Variants in METTL6 observed in about 807,000 individuals in gnomAD.
METTL6 encodes the protein methyltransferase 6, tRNA N3-cytidine, also known as tRNA N(3)-cytidine methyltransferase METTL6.
Under a neutral mutation model 26.4 loss-of-function variants are expected in METTL6, and 22 were observed. The ratio of observed to expected loss-of-function variants is 0.83; its 90% CI spans 0.59 to 1.19. METTL6 has a LOEUF of 1.19. METTL6 is among the 50% of genes most tolerant of loss of function. METTL6 has a pLI of 0.00. For synonymous variants in METTL6, 109 were observed against 116.2 expected, an observed-to-expected ratio of 0.94 and a Z score of 0.40; for missense variants, 304 against 324.8, an observed-to-expected ratio of 0.94 and a Z score of 0.49.
At chr3:15,386,982 G>C (rs747858721) in intron 6 of METTL6, among the ~76,000 whole-genome samples, 2 of 151,982 alleles carry the variant, frequency 1.3e-5, no homozygotes, top group African/African-American at 4.8e-5. Flanking sequence ...AGCAGAGATG[G>C]GGGGTGGTTC....
intron 6 of METTL6, among the ~76,000 whole-genome samples, chr3:15,400,569 T>C (rs1699613210): frequency 1.3e-5 from 2 of 152,164 alleles, no homozygotes; most frequent in South Asian, 2.1e-4. Flanking sequence ...TCATGGTGGG[T>C]AGGAATCTCA....
intron 4 of METTL6, 167 bp downstream of exon 4, chr3:15,415,605 G>C (rs1470028488): frequency 6.2e-7 from 1 of 1,608,794 alleles, no homozygotes; most frequent in Non-Finnish European, 8.5e-7. Context: ...AGAATTTAGG[G>C]TGGATGTTTT....
At chr3:15,416,497 C>T (rs2124998337) in intron 3 of METTL6, among the ~76,000 whole-genome samples, 1 of 152,246 alleles carries the variant, frequency 6.6e-6, no homozygotes, top group East Asian at 1.9e-4. Context: ...TCAAGTGATC[C>T]TCCCACTTCA....
chr3:15,411,246 T>C lies in METTL6; in HGVS notation c.*10A>G. ...TCAAGGGAAGGTATAAATGCCAACC[T>C]CATGAAAGGTCAGGACTTAGGATCC... On this transcript the variant is annotated 3_prime_UTR_variant, in exon 6 of 6. Transcript: ENST00000383790. The C allele has an allele frequency of 6.2e-7, 1 of 1,603,722 alleles. No individual in the cohort carries two copies. The highest frequency in any genetic ancestry group is 8.5e-7 in the Non-Finnish European group (1 of 1,177,156).
At chr3:15,388,065 C>G (rs1214741805) in intron 6 of METTL6, among the ~76,000 whole-genome samples, 1 of 151,316 alleles carries the variant, frequency 6.6e-6, no homozygotes, top group Non-Finnish European at 1.5e-5. Flanking sequence ...AAAAAAGTCT[C>G]CCTCAGTATT....
chr3:15,393,240 T>G (rs1699397189), intron 6 of METTL6, among the ~76,000 whole-genome samples: 1 of 152,204 alleles, frequency 6.6e-6, no homozygotes, highest in African/African-American at 2.4e-5. Flanking sequence ...TCCTAGGTAT[T>G]TCATTCTCTT....
intron 6 of METTL6, among the ~76,000 whole-genome samples, chr3:15,398,078 C>A (rs1419561536): frequency 6.6e-6 from 1 of 152,074 alleles, no homozygotes; most frequent in Non-Finnish European, 1.5e-5. Flanking sequence ...TTCCCCCAAA[C>A]TACCTTTGAA....
At chr3:15,406,652 A>AGAGAGAGAGAGAGAGAGAGG (rs1559485774), downstream of METTL6, among the ~76,000 whole-genome samples, 5 of 142,582 alleles carry the variant, frequency 3.5e-5, no homozygotes, top group African/African-American at 1.3e-4. Context: ...AGAGAGAGAG[A>AGAGAGAGAGAGAGAGAGAGG]GAGAGAGAGA....
chr3:15,384,316 A>C (rs1037820875), intron 6 of METTL6: 1 of 194,810 alleles, frequency 5.1e-6, no homozygotes, highest in African/African-American at 2.4e-5. Flanking sequence ...GCTCCGCATT[A>C]AAAAAAAATA....
At chr3:15,395,823 C>T (rs1464780574) in intron 6 of METTL6, among the ~76,000 whole-genome samples, 1 of 152,086 alleles carries the variant, frequency 6.6e-6, no homozygotes, top group East Asian at 1.9e-4. Context: ...AATATTGGCC[C>T]CCACTCTCTT....
chr3:15,408,288 G>A (rs979068948), downstream of METTL6, among the ~76,000 whole-genome samples: 3 of 152,134 alleles, frequency 2.0e-5, no homozygotes, highest in African/African-American at 7.2e-5. Flanking sequence ...TTCACTCTGT[G>A]ATGTCAGTGA....
In METTL6 at chr3:15,414,924, A is replaced by C. The variant is rs187596677; in HGVS notation, c.532-762T>G. On this transcript the variant is annotated intron_variant, in intron 4 of 5. Coordinates refer to ENST00000383790, the MANE Select transcript of METTL6 (RefSeq NM_152396.4). The stretch of plus-strand genomic sequence containing the variant: ...GTGACACAGCAAGACCCTGTCTCAA[A>C]AATAAATAAATAAGTGTTAGAGACA... 1.3e-4 allele frequency: 150 copies of C among 1,140,720 alleles called. No homozygotes were observed. The East Asian group carries it at 6.1e-3, about 46-fold the overall frequency. The allele number at this position is 1,140,720 out of a possible 1,614,324, so 70.7% of individuals were successfully genotyped here. A position where few individuals can be genotyped will look rare whatever the true frequency, so the allele number is the denominator to read the frequency against.
At chr3:15,409,475 T>C (rs1699887831), downstream of METTL6, among the ~76,000 whole-genome samples, 1 of 152,206 alleles carries the variant, frequency 6.6e-6, no homozygotes, top group South Asian at 2.1e-4. Flanking sequence ...TTCCCCATAT[T>C]CTGCAACACT....
rs114983115 is a variant in METTL6, at chr3:15,387,922, C to T, written c.*12-3735G>A. ...TGACCTACTGGGCTCATGTGATCCT[C>T]TTGTAACCACCCATGGGTTCACCTT... On this transcript the variant is annotated intron_variant, in intron 6 of 6. Coordinates refer to the METTL6 transcript ENST00000443029. Among the ~76,000 whole-genome samples, 1,060 of 151,812 alleles carry T rather than the reference C, an allele frequency of 7.0e-3. 19 individuals carry two copies. The highest frequency in any genetic ancestry group is 0.024 in the African/African-American group (1,011 of 41,386).
At chr3:15,392,389 G>T (rs1333154450) in intron 6 of METTL6, among the ~76,000 whole-genome samples, 2 of 152,066 alleles carry the variant, frequency 1.3e-5, no homozygotes, top group African/African-American at 4.8e-5. Context: ...GTAGATTCTG[G>T]ATATTAGCCC....
chr3:15,395,288 T>C (rs953073914), intron 6 of METTL6, among the ~76,000 whole-genome samples: 5 of 152,218 alleles, frequency 3.3e-5, no homozygotes, highest in African/African-American at 9.6e-5. Flanking sequence ...TTTGTTGGTT[T>C]AAAGTTTGTT....
intron 6 of METTL6, among the ~76,000 whole-genome samples, chr3:15,401,536 C>CAAAAAAAAAAA (rs35578326): frequency 2.8e-5 from 2 of 71,854 alleles, no homozygotes; most frequent in African/African-American, 1.1e-4. Flanking sequence ...ATGTTCACGC[C>CAAAAAAAAAAA]AAAAAAAAAA....
chr3:15,406,253 AAACC>A (rs1394194064), downstream of METTL6, among the ~76,000 whole-genome samples: 1 of 152,030 alleles, frequency 6.6e-6, no homozygotes, highest in African/African-American at 2.4e-5. Context: ...GTTTGCTACT[AAACC>A]AACCATGGTC....
At chr3:15,420,227 A>G (rs1264919275) in intron 3 of METTL6, among the ~76,000 whole-genome samples, 6 of 152,190 alleles carry the variant, frequency 3.9e-5, no homozygotes, top group Non-Finnish European at 8.8e-5. Flanking sequence ...ATCTACATGT[A>G]CTAACATGAA....
Sources: allele counts gnomAD v4.1 joint callset (sites outside exome capture counted in the v4.1 genomes callset), GRCh38; gene constraint gnomAD v4.1.1; transcripts MANE v1.5; gene names NCBI Gene and HGNC (gene_info 2026-07-23, HGNC 2026-07-21).